GET1: variants seen among roughly 807,000 people sequenced by gnomAD.
GET1 encodes the protein guided entry of tail-anchored proteins factor 1.
A neutral mutation model predicts 22.6 loss-of-function variants in GET1; 20 were observed. That is an observed-to-expected ratio of 0.89 (90% CI 0.62 to 1.29). The LOEUF (loss-of-function observed/expected upper bound fraction) is 1.29, where lower values mean the gene tolerates loss of function less well. GET1 is among the 50% of genes most tolerant of loss of function. GET1 has a pLI of 0.00. For synonymous variants in GET1, 92 were observed against 83.8 expected (o/e 1.10, Z -0.53); for missense variants, 209 against 219.9 (o/e 0.95, Z 0.31).
intron 1 of GET1, among the ~76,000 whole-genome samples, chr21:39,424,737 A>G (rs919470196): frequency 1.3e-5 from 2 of 152,340 alleles, no homozygotes; most frequent in East Asian, 1.9e-4. Flanking sequence ...AATAAATCCA[A>G]CACAGTTAAT....
At chr21:39,392,071 G>A in intron 3 of GET1, 1 of 498,484 alleles carries the variant, frequency 2.0e-6, no homozygotes, top group Non-Finnish European at 3.6e-6. Context: ...GGACTGTGAA[G>A]TAAGTTCTCG....
chr21:39,385,321 C>T (rs1326803924), intron 1 of GET1, among the ~76,000 whole-genome samples: 1 of 152,136 alleles, frequency 6.6e-6, no homozygotes. Flanking sequence ...CCTCCCCCCG[C>T]GTGAGGCCTT....
chr21:39,422,247 A>C (rs2073897092), intron 1 of GET1: 2 of 152,234 alleles, frequency 1.3e-5, no homozygotes, highest in South Asian at 4.1e-4. Flanking sequence ...TAAATCCTAA[A>C]TTAATTCCAT....
chr21:39,403,900 C>A (rs1027782293), intron 4 of GET1, among the ~76,000 whole-genome samples: 1 of 152,066 alleles, frequency 6.6e-6, no homozygotes, highest in Non-Finnish European at 1.5e-5. Flanking sequence ...GGATTACAGG[C>A]GTGAGCCACT....
chr21:39,426,754 T>G (rs1162726034), intron 1 of GET1, among the ~76,000 whole-genome samples: 1 of 152,218 alleles, frequency 6.6e-6, no homozygotes, highest in Non-Finnish European at 1.5e-5. Context: ...AGGAATTGTG[T>G]GTTTGTAGGA....
In GET1 at chr21:39,420,840, A is replaced by G. The variant is rs150496723; in HGVS notation, c.*24-7392A>G. 1.7e-4 allele frequency: 274 copies of G among 1,612,316 alleles called. 1 individual carries two copies. The highest frequency in any genetic ancestry group is 7.6e-4 in the South Asian group (69 of 91,006). On this transcript the variant is annotated intron_variant, in intron 1 of 1. Transcript: ENST00000478273. ...CAGTTCAACCTCAGTTGTTTTTCCA[A>G]GCTCTGAAAACAGTATATATTATAA...
intron 1 of GET1, among the ~76,000 whole-genome samples, chr21:39,421,101 GTTTTTTT>G (rs200770360): frequency 6.4e-5 from 8 of 125,412 alleles, no homozygotes; most frequent in South Asian, 2.6e-4. Flanking sequence ...TTAACAATTC[GTTTTTTT>G]TTTTTTTTTT....
intron 4 of GET1, among the ~76,000 whole-genome samples, chr21:39,405,131 C>T (rs1601660183): frequency 6.6e-6 from 1 of 152,086 alleles, no homozygotes; most frequent in East Asian, 1.9e-4. Flanking sequence ...TGGCACCCAG[C>T]CTATTTTTTT....
chr21:39,396,635 G>A (rs539238223), intron 4 of GET1, among the ~76,000 whole-genome samples: 5 of 145,310 alleles, frequency 3.4e-5, no homozygotes, highest in South Asian at 2.2e-4. Flanking sequence ...GCAGTGAGCC[G>A]AGATCGCACC....
chr21:39,393,427 T>C, intron 4 of GET1, 147 bp downstream of exon 4: 2 of 638,826 alleles, frequency 3.1e-6, no homozygotes, highest in East Asian at 2.8e-5. Context: ...AGGCTTCCCA[T>C]GAAGAAACTG....
chr21:39,387,716 A>G, intron 1 of GET1: 1 of 926,602 alleles, frequency 1.1e-6, no homozygotes, highest in Non-Finnish European at 1.3e-6. Context: ...TTGCCTCATC[A>G]CGCAGGCGCT....
At chr21:39,395,707 G>GTCCCCTTCCCCACCCTTTCCT in intron 4 of GET1, among the ~76,000 whole-genome samples, 1 of 151,858 alleles carries the variant, frequency 6.6e-6, no homozygotes, top group Non-Finnish European at 1.5e-5. Flanking sequence ...TACCACCCCT[G>GTCCCCTTCCCCACCCTTTCCT]TCCCCTTCCC....
At chr21:39,403,781 A>C (rs1041622369) in intron 4 of GET1, among the ~76,000 whole-genome samples, 2 of 150,600 alleles carry the variant, frequency 1.3e-5, no homozygotes, top group African/African-American at 2.5e-5. Context: ...GCCACCACGC[A>C]TGGCTAATTT....
At chr21:39,418,729 A>G (rs538855802) in intron 1 of GET1, among the ~76,000 whole-genome samples, 2 of 151,834 alleles carry the variant, frequency 1.3e-5, no homozygotes, top group South Asian at 2.1e-4. Flanking sequence ...CGAACTCCCA[A>G]CCTCAGGTGA....
Position 39,393,025 on chromosome 21 carries a change from T to G in GET1, c.337-141T>G, listed in dbSNP as rs1423816221. 4.8e-6 allele frequency: 3 copies of G among 628,010 alleles called. No homozygotes were observed. The East Asian group carries it at 8.2e-5, about 17-fold the overall frequency. The allele number at this position is 628,010 out of a possible 1,614,324, so 38.9% of individuals were successfully genotyped here. ...TGGCTGTGCGTGCTCATCTGTTGTC[T>G]GTGGGGACTGGGTTCCTAGGCTTGA... On this transcript the variant is annotated intron_variant, in intron 3 of 4. Transcript: ENST00000649170.
At chr21:39,396,547 T>C (rs1192984393) in intron 4 of GET1, among the ~76,000 whole-genome samples, 1 of 147,336 alleles carries the variant, frequency 6.8e-6, no homozygotes, top group African/African-American at 2.5e-5. Context: ...ATTAGCCAGG[T>C]GTGGTGGTGC....
downstream of GET1, chr21:39,410,026 CAGTG>C (rs1208462071): frequency 1.2e-6 from 2 of 1,607,900 alleles, no homozygotes; most frequent in African/African-American, 1.3e-5. Flanking sequence ...TTTATTCACA[CAGTG>C]AGGAATTTCA....
chr21:39,380,663 CA>C (rs905229540), intron 1 of GET1, 177 bp downstream of exon 1: 22 of 1,418,180 alleles, frequency 1.6e-5, no homozygotes, highest in Non-Finnish European at 2.0e-5. Context: ...CGCTTTACCC[CA>C]AAATCAGACT....
chr21:39,410,163 TC>T, downstream of GET1: 1 of 1,278,804 alleles, frequency 7.8e-7, no homozygotes, highest in Non-Finnish European at 1.1e-6. Context: ...TGCATTTTAT[TC>T]TAATGACTAC....
Sources: allele counts gnomAD v4.1 joint callset (sites outside exome capture counted in the v4.1 genomes callset), GRCh38; gene constraint gnomAD v4.1.1; transcripts MANE v1.5; gene names NCBI Gene and HGNC (gene_info 2026-07-23, HGNC 2026-07-21).